The following INSL6 variants were observed in gnomAD, a reference collection of about 807,000 sequenced individuals.
The protein encoded by INSL6 is insulin-like peptide INSL6.
INSL6 carries 16 observed loss-of-function variants against 9.4 expected under a neutral mutation model. The observed-to-expected ratio is 1.70, with a 90% CI of 1.15 to 2.59. The LOEUF (loss-of-function observed/expected upper bound fraction) is 2.59, where lower values mean the gene tolerates loss of function less well. Ranked by LOEUF, INSL6 falls within the 30% of genes most tolerant of loss-of-function variation. The probability of loss-of-function intolerance (pLI) is 0.00; values close to 1 mark genes in which losing one functional copy is unlikely to be tolerated. For missense variants in INSL6, 391 were observed against 257.3 expected, an observed-to-expected ratio of 1.52 and a Z score of -3.56; for synonymous variants, 154 against 96.9, an observed-to-expected ratio of 1.59 and a Z score of -3.46.
intron 2 of INSL6, among the ~76,000 whole-genome samples, chr9:5,136,915 G>C (rs199819781): frequency 0.01 from 1,545 of 152,262 alleles, 18 homozygotes; most frequent in African/African-American, 0.036. Flanking sequence ...TAAGCAACTT[G>C]AGCGAAGTCT....
intron 2 of INSL6, among the ~76,000 whole-genome samples, chr9:5,156,693 A>G (rs1223047297): frequency 6.6e-6 from 1 of 152,204 alleles, no homozygotes; most frequent in Non-Finnish European, 1.5e-5. Flanking sequence ...TGAGTCAATA[A>G]AAAGAAATTA....
In INSL6 at chr9:5,181,103, T is replaced by C. The variant is rs189828339; in HGVS notation, c.289+4211A>G. 9.8e-5 allele frequency among the ~76,000 whole-genome samples: 15 copies of C among 152,310 alleles called. 1 individual carries two copies. Among genetic ancestry groups the C allele is most frequent in the Middle Eastern group, 3.4e-3 (1 of 294 alleles). The stretch of plus-strand genomic sequence containing the variant: ...GGAAAATAGAACCTACATTGAAATA[T>C]TGGGGGCGGGTTCCCCTGATAATAT... On this transcript the variant is annotated intron_variant, in intron 1 of 1. Coordinates refer to ENST00000381641, the MANE Select transcript of INSL6 (RefSeq NM_007179.3).
intron 2 of INSL6, among the ~76,000 whole-genome samples, chr9:5,158,528 G>C (rs781449755): frequency 2.6e-5 from 4 of 152,110 alleles, no homozygotes; most frequent in Non-Finnish European, 5.9e-5. Flanking sequence ...AACATGTCTG[G>C]TAACAGACTT....
At chr9:5,128,215 T>A (rs570596425) in intron 3 of INSL6, 1 of 231,604 alleles carries the variant, frequency 4.3e-6, no homozygotes, top group Admixed American at 5.6e-5. Flanking sequence ...TTTTTGAAAG[T>A]TGTACTGAAG....
the INSL6 span, among the ~76,000 whole-genome samples, chr9:5,083,202 G>A: frequency 7.1e-6 from 1 of 140,786 alleles, no homozygotes; most frequent in Non-Finnish European, 1.6e-5. Context: ...TTATCTCAGG[G>A]AGAATTAATC....
At chr9:5,085,222 C>G in the INSL6 span, 1 of 668,160 alleles carries the variant, frequency 1.5e-6, no homozygotes, top group Non-Finnish European at 2.9e-6. Context: ...GAACTGCTGA[C>G]AGGCAAATAG....
intron 2 of INSL6, among the ~76,000 whole-genome samples, chr9:5,139,557 G>A (rs922651635): frequency 6.6e-6 from 1 of 152,154 alleles, no homozygotes; most frequent in Non-Finnish European, 1.5e-5. Flanking sequence ...CTGGTTGCTT[G>A]AGGAAAGGAA....
the INSL6 span, among the ~76,000 whole-genome samples, chr9:5,093,532 C>A: frequency 7.2e-5 from 11 of 152,134 alleles, no homozygotes; most frequent in Admixed American, 6.5e-5. Flanking sequence ...GAGAAGACCC[C>A]ATGGCACTTT....
chr9:5,013,269 C>T, the INSL6 span, among the ~76,000 whole-genome samples: 1 of 152,004 alleles, frequency 6.6e-6, no homozygotes, highest in Non-Finnish European at 1.5e-5. Flanking sequence ...AATTCTTTTA[C>T]ATTTCACCTC....
At chr9:5,094,085 C>T in the INSL6 span, 1 of 152,156 alleles carries the variant, frequency 6.6e-6, no homozygotes, top group Non-Finnish European at 1.5e-5. Context: ...AGGTTCAACT[C>T]CCCTTCTTAA....
At chr9:5,035,025 C>T in the INSL6 span, among the ~76,000 whole-genome samples, 1 of 152,112 alleles carries the variant, frequency 6.6e-6, no homozygotes, top group Middle Eastern at 3.4e-3. Context: ...GAATCAAATA[C>T]ATGCAATAAA....
At chr9:5,080,799 T>A in the INSL6 span, 1 of 671,936 alleles carries the variant, frequency 1.5e-6, no homozygotes, top group African/African-American at 1.9e-5. Context: ...TTGGGCCCTC[T>A]TAATTTCTTA....
At chr9:5,028,023 A>G in the INSL6 span, among the ~76,000 whole-genome samples, 37 of 152,266 alleles carry the variant, frequency 2.4e-4, no homozygotes, top group Admixed American at 4.6e-4. Flanking sequence ...ATGAACTACA[A>G]ATGTTTTTCA....
chr9:5,129,485 C>T (rs750215004), intron 3 of INSL6, among the ~76,000 whole-genome samples: 2 of 152,004 alleles, frequency 1.3e-5, no homozygotes, highest in Admixed American at 6.6e-5. Flanking sequence ...ATGAAAGTTT[C>T]TCTAATATTT....
At chr9:5,143,464 T>C (rs535649509) in intron 2 of INSL6, among the ~76,000 whole-genome samples, 1 of 152,130 alleles carries the variant, frequency 6.6e-6, no homozygotes, top group South Asian at 2.1e-4. Context: ...TGTTTTCCAG[T>C]TGATTTCCAT....
At chr9:5,072,839 G>T in the INSL6 span, among the ~76,000 whole-genome samples, 1 of 152,142 alleles carries the variant, frequency 6.6e-6, no homozygotes, top group Non-Finnish European at 1.5e-5. Context: ...ATTATGTTTA[G>T]CATTATGTTA....
chr9:5,069,084 C>A, the INSL6 span: 2 of 1,610,496 alleles, frequency 1.2e-6, no homozygotes, highest in Non-Finnish European at 8.5e-7. Flanking sequence ...AAGAGTACAA[C>A]CTCAGTGGGA....
chr9:5,008,352 A>T, the INSL6 span, among the ~76,000 whole-genome samples: 1 of 152,184 alleles, frequency 6.6e-6, no homozygotes, highest in Non-Finnish European at 1.5e-5. Flanking sequence ...AAGGATATGC[A>T]TTCTTCAGTT....
the INSL6 span, among the ~76,000 whole-genome samples, chr9:4,993,713 T>A: frequency 3.9e-5 from 6 of 152,336 alleles, no homozygotes; most frequent in South Asian, 1.0e-3. Flanking sequence ...TTTACATGTG[T>A]GAACACAAAG....
Sources: gnomAD v4.1 joint callset for allele counts (sites outside exome capture counted in the v4.1 genomes callset) on GRCh38, gnomAD v4.1.1 for gene constraint, MANE v1.5 for transcripts, NCBI Gene and HGNC (gene_info 2026-07-23, HGNC 2026-07-21) for gene names.